ZDHHC1: variants seen among roughly 807,000 people sequenced by gnomAD.
ZDHHC1 encodes the protein palmitoyltransferase ZDHHC1.
In ZDHHC1, 45 loss-of-function variants were observed where a neutral mutation model predicts 46.9. That is an observed-to-expected ratio of 0.96 (90% CI 0.76 to 1.23). The LOEUF (loss-of-function observed/expected upper bound fraction) is 1.23. ZDHHC1 is among the 50% of genes most tolerant of loss of function. The probability of loss-of-function intolerance (pLI) is 0.00; values close to 1 mark genes in which losing one functional copy is unlikely to be tolerated. For missense variants in ZDHHC1, 649 were observed against 670.8 expected (o/e 0.97, Z 0.36); for synonymous variants, 291 against 286.0 (o/e 1.02, Z -0.18).
At chr16:67,405,643 G>A (rs1048365198) in intron 3 of ZDHHC1, among the ~76,000 whole-genome samples, 2 of 152,256 alleles carry the variant, frequency 1.3e-5, no homozygotes, top group East Asian at 1.9e-4. Context: ...AGGGGCATTC[G>A]AGGTATCTCC....
In ZDHHC1 at chr16:67,406,214, G is replaced by A; in HGVS notation, c.238C>T (p.Pro80Ser). 1.2e-6 allele frequency: 2 copies of A among 1,613,790 alleles called. No homozygotes were observed. Among genetic ancestry groups the A allele is most frequent in the East Asian group, 4.5e-5 (2 of 44,872 alleles). Residue 80 changes from proline to serine, a missense_variant, in exon 3 of 12, where the codon CCC (proline) becomes TCC (serine). Pro to Ser is a moderately conservative substitution (Grantham distance 74). Coordinates refer to ENST00000565726, the MANE Select transcript of ZDHHC1 (RefSeq NM_001323627.2). This position sits in a 1 kb window ranked among gnomAD's most constrained non-coding sequence, Gnocchi z 4.1. ...LVPLLPHHWV[P>S]AGYACMGAIF... ...CCCAAGGATACAGCGTAGCCAGCGG[G>A]CACCCAGTGGTGAGGCAGGAGGGGA... is the stretch of plus-strand genomic sequence containing the variant.
intron 1 of ZDHHC1, among the ~76,000 whole-genome samples, chr16:67,414,428 A>G (rs919657444): frequency 6.6e-6 from 1 of 152,198 alleles, no homozygotes; most frequent in African/African-American, 2.4e-5. Context: ...GCTCTCTTTC[A>G]GTAAAGGAAG....
intron 1 of ZDHHC1, among the ~76,000 whole-genome samples, chr16:67,408,374 C>T (rs2040698551): frequency 6.6e-6 from 1 of 152,084 alleles, no homozygotes; most frequent in African/African-American, 2.4e-5. Context: ...CACTATGTTG[C>T]CCAGGGTGGT....
chr16:67,400,823 C>T (rs939821931), intron 4 of ZDHHC1, 134 bp downstream of exon 4: 45 of 1,006,206 alleles, frequency 4.5e-5, no homozygotes, highest in Middle Eastern at 2.1e-4. Flanking sequence ...TACTCTGTCA[C>T]GCCATCAAGG....
At position 67,409,228 on chromosome 16, in the gene ZDHHC1, CCTGATACTCCAAATCAGGATACCCG is replaced by C. The variant is rs2040711473; in HGVS notation, c.-38-1440_-38-1416del. Among the ~76,000 whole-genome samples the C allele has an allele frequency of 7.9e-5, 12 of 152,090 alleles. No individual in the cohort carries two copies. In the South Asian group the frequency reaches 1.9e-3, roughly 24 times the overall value. On this transcript the variant is annotated intron_variant, in intron 1 of 11. Coordinates refer to ENST00000565726, the MANE Select transcript of ZDHHC1 (RefSeq NM_001323627.2). ...GCTCTGACTCCAAATCAGGATACCC[CCTGATACTCCAAATCAGGATACCCG>C]CTGATACTCCAAATCAGGATACCCC...
chr16:67,398,660 T>C lies in ZDHHC1; in HGVS notation c.727A>G (p.Ile243Val). 1.2e-6 allele frequency: 2 copies of C among 1,607,790 alleles called. No homozygotes were observed. The highest frequency in any genetic ancestry group is 8.5e-7 in the Non-Finnish European group (1 of 1,177,952). ...AAPVETQAPA[I>V]LALAALLILL... ...ATGAGCAGGGCGGCCAGGGCCAGGATGGCAGGGGCCTGGGTCTCCACGGGG... is the reference window on the plus strand; with the variant it reads ...ATGAGCAGGGCGGCCAGGGCCAGGACGGCAGGGGCCTGGGTCTCCACGGGG... Residue 243 changes from isoleucine (I) to valine (V), a missense_variant, in exon 7 of 12, where the codon ATC (isoleucine) becomes GTC (valine). Physicochemically the swap from Ile to Val is conservative, Grantham distance 29 (BLOSUM62 3). Coordinates refer to ENST00000565726, the MANE Select transcript of ZDHHC1 (RefSeq NM_001323627.2).
intron 1 of ZDHHC1, among the ~76,000 whole-genome samples, chr16:67,411,533 C>T (rs758644290): frequency 1.3e-5 from 2 of 152,154 alleles, no homozygotes; most frequent in Non-Finnish European, 2.9e-5. Context: ...TGGCAATATC[C>T]AAGTCTGGCG....
chr16:67,402,400 A>T (rs2040568231), intron 3 of ZDHHC1, among the ~76,000 whole-genome samples: 1 of 151,992 alleles, frequency 6.6e-6, no homozygotes, highest in Admixed American at 6.6e-5. Flanking sequence ...GCTCCTCCCA[A>T]ACCTCTCTGC....
At chr16:67,407,846 G>A in intron 1 of ZDHHC1, 33 bp from the exon 2 acceptor site, 1 of 768,180 alleles carries the variant, frequency 1.3e-6, no homozygotes, top group Non-Finnish European at 2.4e-6. Flanking sequence ...CACAGTAAAT[G>A]GTGTGGAATC....
Position 67,394,305 on chromosome 16 carries a change from C to A in ZDHHC1, c.*305G>T, listed in dbSNP as rs1300753141. On this transcript the variant is annotated 3_prime_UTR_variant, in exon 12 of 12. Transcript: ENST00000565726. ...GCCGCACGTGAGCACCTCCACAGGG[C>A]AGCCTGGGTGGCTACCTACTATACA... 6.3e-6 allele frequency: 1 copy of A among 158,534 alleles called. No individual in the cohort carries two copies. Among genetic ancestry groups the A allele is most frequent in the Non-Finnish European group, 1.4e-5 (1 of 72,338 alleles). 9.8% of individuals were successfully genotyped at this position (158,534 alleles called of 1,614,324 possible).
At chr16:67,414,195 G>A (rs771275192) in intron 1 of ZDHHC1, among the ~76,000 whole-genome samples, 6 of 152,134 alleles carry the variant, frequency 3.9e-5, no homozygotes, top group Non-Finnish European at 5.9e-5. Flanking sequence ...ATGACTGCAG[G>A]AGCCAGCCTT....
intron 5 of ZDHHC1, 21 bp downstream of exon 5, chr16:67,399,334 G>A (rs1159891629): frequency 3.1e-6 from 5 of 1,597,920 alleles, no homozygotes; most frequent in Non-Finnish European, 4.3e-6. Flanking sequence ...CCAGGCCCGC[G>A]TGCGGCCGGG....
chr16:67,415,951 G>A (rs944553495), intron 1 of ZDHHC1, among the ~76,000 whole-genome samples: 2 of 152,108 alleles, frequency 1.3e-5, no homozygotes, highest in Admixed American at 6.5e-5. Flanking sequence ...GGAGTCCTCT[G>A]TGCCCACGCC....
chr16:67,410,004 A>C (rs1597549015), intron 1 of ZDHHC1, among the ~76,000 whole-genome samples: 5 of 122,594 alleles, frequency 4.1e-5, no homozygotes, highest in African/African-American at 6.1e-5. Context: ...GGGTGGGGGA[A>C]GGAGGGAATG....
chr16:67,399,231 A>T, intron 5 of ZDHHC1, 124 bp downstream of exon 5: 1 of 930,484 alleles, frequency 1.1e-6, no homozygotes, highest in Admixed American at 2.6e-5. Context: ...ACCCCCGCAT[A>T]AAACGGGCAC....
chr16:67,413,263 G>A (rs1157132669), intron 1 of ZDHHC1, among the ~76,000 whole-genome samples: 9 of 152,052 alleles, frequency 5.9e-5, no homozygotes, highest in Admixed American at 3.3e-4. Context: ...TTCTATCTAT[G>A]AGTATTCCTA....
At chr16:67,397,501 C>A (rs1406368814) in intron 8 of ZDHHC1, among the ~76,000 whole-genome samples, 1 of 152,210 alleles carries the variant, frequency 6.6e-6, no homozygotes, top group Non-Finnish European at 1.5e-5. Context: ...GTCCTAGGCC[C>A]TCCCCAACCC....
rs755043579 is a variant in ZDHHC1, at chr16:67,398,911, C to A, written c.564G>T (p.Leu188=). The change falls in exon 6 of 12, where the codon CTG becomes CTT. Residue 188 remains leucine (L), a synonymous_variant. Transcript: ENST00000565726. The part of the protein sequence containing the change: ...LFLHSVASAL[L]GVLLLVLVAT... ...CCACCAGCACCAGGAGCAGGACGCC[C>A]AGTAAAGCGGATGCAACACTGTGTA... 7 of 1,613,226 alleles carry A rather than the reference C, an allele frequency of 4.3e-6. No homozygotes were observed. The South Asian group carries it at 6.6e-5, about 15-fold the overall frequency.
At position 67,400,964 on chromosome 16, in the gene ZDHHC1, C is replaced by T. The variant is rs1259951461; in HGVS notation, c.421G>A (p.Val141Met). The T allele has an allele frequency of 3.1e-6, 5 of 1,613,646 alleles. No homozygotes were observed. The highest frequency in any genetic ancestry group is 1.3e-5 in the African/African-American group (1 of 74,934). Residue 141 changes from valine (V) to methionine (M), a missense_variant, in exon 4 of 12, where the codon GTG (valine) becomes ATG (methionine). Val to Met is a conservative substitution (Grantham distance 21). Coordinates refer to ENST00000565726, the MANE Select transcript of ZDHHC1 (RefSeq NM_001323627.2). Reference protein sequence around the residue: ...IEDLHCNLCNVDVSARSKHCS... With the variant: ...IEDLHCNLCNMDVSARSKHCS... Reference sequence around the variant, plus strand: ...GCACCCACACACACTCACACATCCACGTTGCACAAGTTGCAGTGCAGGTCT... The same window carrying T: ...GCACCCACACACACTCACACATCCATGTTGCACAAGTTGCAGTGCAGGTCT...
Sources: gnomAD v4.1 joint callset for allele counts (sites outside exome capture counted in the v4.1 genomes callset) on GRCh38, gnomAD v4.1.1 for gene constraint, Gnocchi (gnomAD v3.1) non-coding constraint, MANE v1.5 for transcripts, NCBI Gene and HGNC (gene_info 2026-07-23, HGNC 2026-07-21) for gene names.